The following SLC2A14 variants were observed in gnomAD, a reference collection of about 807,000 sequenced individuals.
The protein encoded by SLC2A14 is solute carrier family 2 member 14.
SLC2A14 carries 13 observed loss-of-function variants against 43.0 expected under a neutral mutation model. The ratio of observed to expected loss-of-function variants is 0.30; its 90% CI spans 0.20 to 0.48. SLC2A14 has a LOEUF of 0.48. SLC2A14 is among the 20% of genes least tolerant of loss of function. The pLI is 0.99. For synonymous variants in SLC2A14, 190 were observed against 233.8 expected (o/e 0.81, Z 1.71); for missense variants, 428 against 620.4 (o/e 0.69, Z 3.29).
chr12:7,846,829 T>TC (rs1866510348), intron 2 of SLC2A14, among the ~76,000 whole-genome samples: 1 of 151,746 alleles, frequency 6.6e-6, no homozygotes, highest in Middle Eastern at 3.4e-3. Flanking sequence ...AGACAGGGTT[T>TC]CACTGTGTTG....
intron 1 of SLC2A14, among the ~76,000 whole-genome samples, chr12:7,878,998 A>G (rs868479688): frequency 7.5e-6 from 1 of 133,970 alleles, no homozygotes; most frequent in Non-Finnish European, 1.6e-5. Flanking sequence ...AAAAAAAAAA[A>G]AAAAAAACAA....
At chr12:7,868,873 G>A (rs781682084) in intron 2 of SLC2A14, among the ~76,000 whole-genome samples, 2 of 152,084 alleles carry the variant, frequency 1.3e-5, no homozygotes, top group Non-Finnish European at 2.9e-5. Context: ...TGCCGGGCTC[G>A]TTGGCTCAAG....
chr12:7,887,834 C>T (rs913552162), intron 1 of SLC2A14, among the ~76,000 whole-genome samples: 5 of 152,088 alleles, frequency 3.3e-5, no homozygotes, highest in South Asian at 2.1e-4. Flanking sequence ...CCAATGTATT[C>T]GTCAGAATGA....
intron 7 of SLC2A14, among the ~76,000 whole-genome samples, chr12:7,827,177 C>T (rs373166998): frequency 3.3e-5 from 5 of 151,088 alleles, no homozygotes; most frequent in East Asian, 1.9e-4. Flanking sequence ...ATGGCGCAAT[C>T]TCCACTCACT....
At chr12:7,823,198 C>A (rs746708736) in intron 7 of SLC2A14, among the ~76,000 whole-genome samples, 10 of 151,840 alleles carry the variant, frequency 6.6e-5, no homozygotes, top group Non-Finnish European at 1.3e-4. Context: ...GCCTAGCCAA[C>A]ATGGTGAAAC....
chr12:7,865,397 C>T (rs1166444094), intron 2 of SLC2A14, among the ~76,000 whole-genome samples: 1 of 151,872 alleles, frequency 6.6e-6, no homozygotes, highest in Non-Finnish European at 1.5e-5. Flanking sequence ...ATTCGCCGGG[C>T]GTGGTGGCAC....
At chr12:7,842,629 ACC>A (rs1866059760) in intron 2 of SLC2A14, among the ~76,000 whole-genome samples, 2 of 151,788 alleles carry the variant, frequency 1.3e-5, no homozygotes, top group African/African-American at 4.8e-5. Context: ...GGACACAATC[ACC>A]AGGCTACCAC....
intron 2 of SLC2A14, among the ~76,000 whole-genome samples, chr12:7,867,015 C>G (rs1482013004): frequency 6.6e-6 from 1 of 151,174 alleles, no homozygotes; most frequent in Non-Finnish European, 1.5e-5. Context: ...AATCTCGGCT[C>G]ACGCCTGTAA....
chr12:7,871,338 G>T, intron 1 of SLC2A14: 1 of 878,438 alleles, frequency 1.1e-6, no homozygotes, highest in Non-Finnish European at 1.5e-6. Flanking sequence ...GAGTTCACCT[G>T]CATCCTCATA....
At chr12:7,880,939 A>G (rs1945559106) in intron 1 of SLC2A14, among the ~76,000 whole-genome samples, 1 of 152,150 alleles carries the variant, frequency 6.6e-6, no homozygotes, top group African/African-American at 2.4e-5. Context: ...CAAGAGTTCG[A>G]GACCAGCCTG....
chr12:7,847,316 C>T (rs1303633777), intron 2 of SLC2A14, among the ~76,000 whole-genome samples: 3 of 152,010 alleles, frequency 2.0e-5, no homozygotes, highest in Admixed American at 6.6e-5. Flanking sequence ...GGTGTTTGTA[C>T]CACTGTACCA....
intron 2 of SLC2A14, among the ~76,000 whole-genome samples, chr12:7,834,853 T>C (rs1865313725): frequency 6.6e-6 from 1 of 152,172 alleles, no homozygotes; most frequent in African/African-American, 2.4e-5. Flanking sequence ...CAAGCTTAGA[T>C]AGTCCTTCAC....
At chr12:7,826,834 T>TTTCTTTCCTTCCTTCCTTCCTTCC (rs138356665) in intron 7 of SLC2A14, among the ~76,000 whole-genome samples, 1 of 29,570 alleles carries the variant, frequency 3.4e-5, no homozygotes, top group African/African-American at 1.2e-4. Flanking sequence ...TCTTTCTTTC[T>TTTCTTTCCTTCCTTCCTTCCTTCC]TTCCTTCCTT....
intron 3 of SLC2A14, 120 bp downstream of exon 3, chr12:7,832,602 A>T: frequency 9.6e-7 from 1 of 1,043,392 alleles, no homozygotes; most frequent in Non-Finnish European, 1.4e-6. Flanking sequence ...CAGCCTCCGG[A>T]GTAGCTGGGA....
At chr12:7,874,712 G>GTA (rs1565584239), upstream of SLC2A14, among the ~76,000 whole-genome samples, 23 of 127,116 alleles carry the variant, frequency 1.8e-4, no homozygotes, top group South Asian at 1.4e-3. Context: ...ATATAAATAT[G>GTA]TATATAAATA....
chr12:7,886,070 C>A (rs752385927), intron 1 of SLC2A14, among the ~76,000 whole-genome samples: 4 of 150,230 alleles, frequency 2.7e-5, no homozygotes, highest in Non-Finnish European at 4.4e-5. Context: ...CTGCAACACC[C>A]ACCTCCCAGG....
intron 2 of SLC2A14, chr12:7,839,705 A>G (rs757918722): frequency 5.4e-6 from 2 of 369,446 alleles, no homozygotes; most frequent in South Asian, 3.8e-5. Flanking sequence ...TAGTGATATT[A>G]AGAGGCAGGA....
chr12:7,868,604 AAT>A (rs1945048959), intron 2 of SLC2A14, among the ~76,000 whole-genome samples: 3 of 152,178 alleles, frequency 2.0e-5, no homozygotes, highest in African/African-American at 7.2e-5. Flanking sequence ...CTACTCGAGA[AAT>A]ATTTCAGTGA....
At chr12:7,853,225 G>A (rs1298008814) in intron 2 of SLC2A14, among the ~76,000 whole-genome samples, 2 of 151,936 alleles carry the variant, frequency 1.3e-5, no homozygotes, top group Non-Finnish European at 2.9e-5. Flanking sequence ...TGGATCATGA[G>A]GTCAGGAGTT....
Sources: gnomAD v4.1 joint callset for allele counts (sites outside exome capture counted in the v4.1 genomes callset) on GRCh38, gnomAD v4.1.1 for gene constraint, MANE v1.5 for transcripts, NCBI Gene and HGNC (gene_info 2026-07-23, HGNC 2026-07-21) for gene names.